Variants in CNTLN observed in about 807,000 individuals in gnomAD.
CNTLN encodes the protein centlein.
Under a neutral mutation model 180.0 loss-of-function variants are expected in CNTLN, and 212 were observed. The ratio of observed to expected loss-of-function variants is 1.18; its 90% CI spans 1.05 to 1.32. The LOEUF (loss-of-function observed/expected upper bound fraction) is 1.32. CNTLN is among the 40% of genes most tolerant of loss of function. The pLI, the probability that CNTLN is intolerant of heterozygous loss-of-function variation, is 0.00. For missense variants in CNTLN, 2,095 were observed against 1,610.9 expected, an observed-to-expected ratio of 1.30 and a Z score of -5.14; for synonymous variants, 722 against 563.1, an observed-to-expected ratio of 1.28 and a Z score of -3.99.
intron 6 of CNTLN, among the ~76,000 whole-genome samples, chr9:17,294,608 A>G (rs954634992): frequency 2.0e-5 from 3 of 149,912 alleles, no homozygotes; most frequent in African/African-American, 7.4e-5. Context: ...TCAGGAGCCC[A>G]GCTGGCTTCA....
intron 2 of CNTLN, among the ~76,000 whole-genome samples, chr9:17,225,343 G>C (rs1215486028): frequency 6.6e-6 from 1 of 151,970 alleles, no homozygotes; most frequent in Non-Finnish European, 1.5e-5. Context: ...CCTGCATCTG[G>C]CTCTGGGGGA....
At chr9:17,165,414 T>C (rs1820000245) in intron 2 of CNTLN, among the ~76,000 whole-genome samples, 1 of 152,200 alleles carries the variant, frequency 6.6e-6, no homozygotes, top group African/African-American at 2.4e-5. Flanking sequence ...TAGTAAATTC[T>C]AGAATGATGT....
rs536151653 is a variant in CNTLN, at chr9:17,135,597, G to C, written c.360+172G>C. Among the ~76,000 whole-genome samples, 18 of 152,272 alleles carry C rather than the reference G, an allele frequency of 1.2e-4. No individual in the cohort carries two copies. In the South Asian group the frequency reaches 3.5e-3, roughly 30 times the overall value. On this transcript the variant is annotated intron_variant, in intron 1 of 25. Coordinates refer to ENST00000380647, the MANE Select transcript of CNTLN (RefSeq NM_017738.4). ...GGGCTGGAGGGACGCGGCTGCGCCC[G>C]GCTCCCCAAACCCGGGCCCCTGCCC... is the stretch of plus-strand genomic sequence containing the variant.
At position 17,298,370 on chromosome 9, in the gene CNTLN, A is replaced by T; in HGVS notation, c.1146+18A>T. The T allele has an allele frequency of 6.3e-7, 1 of 1,594,098 alleles. No homozygotes were observed. Among genetic ancestry groups the T allele is most frequent in the Non-Finnish European group, 8.5e-7 (1 of 1,172,110 alleles). On this transcript the variant is annotated intron_variant, in intron 7 of 25. Coordinates refer to ENST00000380647, the MANE Select transcript of CNTLN (RefSeq NM_017738.4). Reference sequence around the variant, plus strand: ...ATCAAAAAGTATGCTTTTATTCTGTAATAAAGATGTAAATGTTTATGTATG... The same window carrying T: ...ATCAAAAAGTATGCTTTTATTCTGTTATAAAGATGTAAATGTTTATGTATG...
chr9:17,171,984 C>A (rs1034920542), intron 2 of CNTLN, among the ~76,000 whole-genome samples: 9 of 152,112 alleles, frequency 5.9e-5, no homozygotes, highest in African/African-American at 2.2e-4. Flanking sequence ...GGCTAGCCTG[C>A]TGTGTTGGTG....
At chr9:17,384,758 A>C (rs1825557383) in intron 13 of CNTLN, among the ~76,000 whole-genome samples, 1 of 152,072 alleles carries the variant, frequency 6.6e-6, no homozygotes, top group Non-Finnish European at 1.5e-5. Flanking sequence ...ATTTATCCCC[A>C]ATTCACTTAT....
At chr9:17,270,201 T>C (rs1406972964) in intron 5 of CNTLN, among the ~76,000 whole-genome samples, 1 of 152,148 alleles carries the variant, frequency 6.6e-6, no homozygotes, top group Non-Finnish European at 1.5e-5. Flanking sequence ...CAGTTTGTTC[T>C]TGATTTTTTA....
At chr9:17,479,935 G>A (rs553803082) in intron 23 of CNTLN, among the ~76,000 whole-genome samples, 8 of 152,164 alleles carry the variant, frequency 5.3e-5, no homozygotes, top group African/African-American at 1.9e-4. Context: ...TGGTATCCTG[G>A]GACTAGCTTG....
intron 25 of CNTLN, among the ~76,000 whole-genome samples, chr9:17,490,255 G>A (rs1009815675): frequency 2.0e-5 from 3 of 152,086 alleles, no homozygotes; most frequent in African/African-American, 7.2e-5. Flanking sequence ...GGCAGTGAGA[G>A]TCTGGATGTG....
At chr9:17,467,394 T>C (rs527401213) in intron 23 of CNTLN, among the ~76,000 whole-genome samples, 1 of 151,666 alleles carries the variant, frequency 6.6e-6, no homozygotes, top group African/African-American at 2.4e-5. Flanking sequence ...ATCTAAAAGC[T>C]GAAGAGCCCT....
chr9:17,177,811 A>G (rs148029186), intron 2 of CNTLN, among the ~76,000 whole-genome samples: 1 of 152,252 alleles, frequency 6.6e-6, no homozygotes, highest in East Asian at 1.9e-4. Flanking sequence ...ATTTATTGCA[A>G]AGAGCGAAAG....
intron 13 of CNTLN, among the ~76,000 whole-genome samples, chr9:17,370,004 A>G (rs1279969882): frequency 6.6e-6 from 1 of 152,052 alleles, no homozygotes; most frequent in Non-Finnish European, 1.5e-5. Context: ...AAAAAAAGAA[A>G]ATACACAGAG....
chr9:17,503,707 A>G lies in CNTLN; in HGVS notation c.*1055A>G, dbSNP rs910178796. On this transcript the variant is annotated 3_prime_UTR_variant, in exon 26 of 26. Coordinates refer to ENST00000380647, the MANE Select transcript of CNTLN (RefSeq NM_017738.4). ...TATTTTCTTCTTTTCCCTCTTTAGT[A>G]TGTAGGTCCCATGAGATTAAGGCAA... 4.6e-5 allele frequency: 7 copies of G among 152,586 alleles called. No homozygotes were observed. The highest frequency in any genetic ancestry group is 1.7e-4 in the African/African-American group (7 of 41,412). 9.5% of individuals were successfully genotyped at this position (152,586 alleles called of 1,614,324 possible).
At chr9:17,330,546 A>T (rs1820574886) in intron 8 of CNTLN, 86 bp from the exon 9 acceptor site, 1 of 721,214 alleles carries the variant, frequency 1.4e-6, no homozygotes, top group South Asian at 3.4e-5. Context: ...AATTTCTATA[A>T]TATAGTGTTA....
At chr9:17,519,056 G>A in the CNTLN span, among the ~76,000 whole-genome samples, 1 of 143,778 alleles carries the variant, frequency 7.0e-6, no homozygotes, top group Non-Finnish European at 1.5e-5. Flanking sequence ...CTGAGTAGCT[G>A]GGACTACAGG....
At chr9:17,210,760 G>A (rs1230053529) in intron 2 of CNTLN, among the ~76,000 whole-genome samples, 1 of 152,206 alleles carries the variant, frequency 6.6e-6, no homozygotes, top group Non-Finnish European at 1.5e-5. Flanking sequence ...ACTGGTGTGA[G>A]ATGGTATCTC....
At chr9:17,321,260 G>C (rs1306777217) in intron 8 of CNTLN, among the ~76,000 whole-genome samples, 1 of 152,176 alleles carries the variant, frequency 6.6e-6, no homozygotes, top group Non-Finnish European at 1.5e-5. Context: ...TGTAGATTCA[G>C]TTCCAAGATA....
intron 16 of CNTLN, 108 bp from the exon 17 acceptor site, chr9:17,415,680 T>A (rs947122873): frequency 6.4e-6 from 5 of 780,154 alleles, no homozygotes; most frequent in Non-Finnish European, 1.0e-5. Flanking sequence ...TTAAAAAAAA[T>A]TCTGCATAAA....
chr9:17,498,761 TG>T (rs1833589190), intron 25 of CNTLN, among the ~76,000 whole-genome samples: 2 of 152,190 alleles, frequency 1.3e-5, no homozygotes, highest in Admixed American at 6.5e-5. Flanking sequence ...TTGTAATCCC[TG>T]GCAAATACCA....
Sources: allele counts gnomAD v4.1 joint callset (sites outside exome capture counted in the v4.1 genomes callset), GRCh38; gene constraint gnomAD v4.1.1; transcripts MANE v1.5; gene names NCBI Gene and HGNC (gene_info 2026-07-23, HGNC 2026-07-21).